Variants in SMYD3 observed in about 807,000 individuals in gnomAD.
SMYD3 encodes SET and MYND domain containing 3, also known as histone-lysine N-methyltransferase SMYD3.
Under a neutral mutation model 57.7 loss-of-function variants are expected in SMYD3, and 36 were observed. That is an observed-to-expected ratio of 0.62 (90% confidence interval 0.48 to 0.82). SMYD3 has a LOEUF of 0.82. Among genes scored for constraint, SMYD3 ranks in the 40% least tolerant of loss-of-function variants. The probability of loss-of-function intolerance (pLI) is 0.00; values close to 1 mark genes in which losing one functional copy is unlikely to be tolerated. For missense variants in SMYD3, 515 were observed against 538.8 expected (o/e 0.96, Z 0.44); for synonymous variants, 211 against 195.0 (o/e 1.08, Z -0.68).
chr1:246,019,970 C>T (rs1047616685), intron 5 of SMYD3, among the ~76,000 whole-genome samples: 1 of 152,112 alleles, frequency 6.6e-6, no homozygotes. Context: ...TTCACAAACA[C>T]AATATATATC....
At chr1:246,449,350 C>T (rs536723628) in intron 1 of SMYD3, among the ~76,000 whole-genome samples, 119 of 152,310 alleles carry the variant, frequency 7.8e-4, no homozygotes, top group Middle Eastern at 3.4e-3. Flanking sequence ...GAATAAGTAG[C>T]CTTTGATTGT....
intron 5 of SMYD3, among the ~76,000 whole-genome samples, chr1:245,989,877 T>C (rs545670192): frequency 2.0e-5 from 3 of 152,320 alleles, no homozygotes; most frequent in East Asian, 1.9e-4. Context: ...TCAAATCCTA[T>C]AGATGCCCTG....
intron 1 of SMYD3, among the ~76,000 whole-genome samples, chr1:246,487,602 C>A (rs2068208233): frequency 2.0e-5 from 3 of 151,860 alleles, no homozygotes; most frequent in Non-Finnish European, 4.4e-5. Context: ...TGTAAAAAAA[C>A]AGAAGTCTCA....
intron 10 of SMYD3, among the ~76,000 whole-genome samples, chr1:245,795,992 G>C (rs2047505551): frequency 6.6e-6 from 1 of 152,142 alleles, no homozygotes; most frequent in African/African-American, 2.4e-5. Context: ...TGTCTTCAGA[G>C]CAAAGTTGCA....
intron 1 of SMYD3, among the ~76,000 whole-genome samples, chr1:246,453,685 G>A (rs1243430402): frequency 6.6e-6 from 1 of 152,034 alleles, no homozygotes; most frequent in Non-Finnish European, 1.5e-5. Context: ...AAGCAAACCA[G>A]CCTTAAAAAG....
intron 5 of SMYD3, among the ~76,000 whole-genome samples, chr1:246,091,112 C>T (rs926534204): frequency 1.3e-5 from 2 of 152,158 alleles, no homozygotes; most frequent in Non-Finnish European, 2.9e-5. Context: ...AGCACGGCTG[C>T]TGTTCAAAGA....
At chr1:245,787,924 C>T (rs1341858877) in intron 10 of SMYD3, among the ~76,000 whole-genome samples, 1 of 152,166 alleles carries the variant, frequency 6.6e-6, no homozygotes, top group Non-Finnish European at 1.5e-5. Context: ...GGGCATTGTA[C>T]TGGTCACATG....
In SMYD3 at chr1:245,764,120, C is replaced by G. The variant is rs1345998603; in HGVS notation, c.1106G>C (p.Arg369Thr). 6.2e-7 allele frequency: 1 copy of G among 1,614,106 alleles called. No homozygotes were observed. The change falls in exon 11 of 12, where the codon AGA becomes ACA. Residue 369 changes from arginine (R) to threonine (T), a missense_variant. Transcript: ENST00000490107. ...RIFFPGSHPV[R>T]GVQVMKVGKL... ...GCCAACTTTCATCACTTGAACCCCTCTGACGGGATGGCTTCCTGGGAAAAA... is the reference window on the plus strand; with the variant it reads ...GCCAACTTTCATCACTTGAACCCCTGTGACGGGATGGCTTCCTGGGAAAAA...
At chr1:246,222,135 CA>C (rs2063265125) in intron 5 of SMYD3, among the ~76,000 whole-genome samples, 1 of 152,048 alleles carries the variant, frequency 6.6e-6, no homozygotes, top group South Asian at 2.1e-4. Context: ...AGGAGTCTAA[CA>C]GATAAAATAT....
chr1:246,111,577 T>C (rs750673554), intron 5 of SMYD3: 4 of 152,216 alleles, frequency 2.6e-5, no homozygotes, highest in Non-Finnish European at 5.9e-5. Flanking sequence ...GGAAGACTGG[T>C]TTCATTCATG....
At chr1:246,102,748 A>G (rs1482065869) in intron 5 of SMYD3, among the ~76,000 whole-genome samples, 4 of 150,762 alleles carry the variant, frequency 2.7e-5, no homozygotes, top group Non-Finnish European at 5.9e-5. Context: ...GCTCTCAAAA[A>G]AAAAAAAAAT....
chr1:246,041,776 G>A (rs1232366237), intron 5 of SMYD3, among the ~76,000 whole-genome samples: 1 of 151,636 alleles, frequency 6.6e-6, no homozygotes, highest in Non-Finnish European at 1.5e-5. Flanking sequence ...CGGACTCAGA[G>A]TTATACCTAG....
intron 5 of SMYD3, among the ~76,000 whole-genome samples, chr1:246,269,978 T>G (rs1286279465): frequency 6.6e-6 from 1 of 152,206 alleles, no homozygotes; most frequent in Non-Finnish European, 1.5e-5. Flanking sequence ...GTTTTCAAAT[T>G]GAAATGGTAC....
intron 5 of SMYD3, among the ~76,000 whole-genome samples, chr1:245,937,679 A>G (rs1161198212): frequency 2.0e-5 from 3 of 152,230 alleles, no homozygotes; most frequent in Non-Finnish European, 4.4e-5. Flanking sequence ...TTTCATTTAG[A>G]TGTGCTCCTA....
chr1:246,482,472 C>A (rs956609200), intron 1 of SMYD3, among the ~76,000 whole-genome samples: 2 of 151,958 alleles, frequency 1.3e-5, no homozygotes, highest in African/African-American at 4.8e-5. Flanking sequence ...TCCACAGTTA[C>A]AATGGTTGAC....
rs577312425 is a variant in SMYD3 at position 246,000,971 on chromosome 1, GT to G, written c.532-71035del. On this transcript the variant is annotated intron_variant, in intron 5 of 11. Transcript: ENST00000490107. ...GACTGCTTTATTTTGTCCGAGTAAG[GT>G]TTTCCTTAATTTCTAAAGTTCTGTG... is the stretch of plus-strand genomic sequence containing the variant. 2.0e-4 allele frequency among the ~76,000 whole-genome samples: 30 copies of G among 152,262 alleles called. No individual in the cohort carries two copies. In the South Asian group the frequency reaches 6.0e-3, roughly 31 times the overall value.
intron 5 of SMYD3, among the ~76,000 whole-genome samples, chr1:245,970,406 G>A (rs575739457): frequency 2.0e-5 from 3 of 152,262 alleles, no homozygotes; most frequent in African/African-American, 7.2e-5. Flanking sequence ...CATGGGCAAG[G>A]ACTTCATGTC....
At chr1:245,941,238 A>G (rs1278967701) in intron 5 of SMYD3, among the ~76,000 whole-genome samples, 3 of 152,240 alleles carry the variant, frequency 2.0e-5, no homozygotes, top group Admixed American at 2.0e-4. Context: ...GTTGGAAAAC[A>G]TAACTCAAGG....
intron 10 of SMYD3, among the ~76,000 whole-genome samples, chr1:245,845,896 T>C (rs879825522): frequency 1.9e-4 from 29 of 152,138 alleles, no homozygotes; most frequent in Non-Finnish European, 4.3e-4. Context: ...CCCTCCTAGG[T>C]TTTCAAGAAT....
Sources: gnomAD v4.1 joint callset for allele counts (sites outside exome capture counted in the v4.1 genomes callset) on GRCh38, gnomAD v4.1.1 for gene constraint, MANE v1.5 for transcripts, NCBI Gene and HGNC (gene_info 2026-07-23, HGNC 2026-07-21) for gene names.